The following POU3F3 variants were observed in gnomAD, a reference collection of about 807,000 sequenced individuals.
POU3F3 encodes POU domain, class 3, transcription factor 3.
POU3F3 carries 1 observed loss-of-function variant against 8.6 expected under a neutral mutation model. The observed-to-expected ratio is 0.12, with a 90% CI of 0.04 to 0.55. POU3F3 has a LOEUF of 0.55. Ranked by LOEUF, POU3F3 falls within the 20% of genes least tolerant of loss-of-function variation. The probability of loss-of-function intolerance (pLI) is 0.91; values close to 1 mark genes in which losing one functional copy is unlikely to be tolerated. For missense variants in POU3F3, 577 were observed against 690.7 expected, an observed-to-expected ratio of 0.84 and a Z score of 1.84; for synonymous variants, 418 against 327.4, an observed-to-expected ratio of 1.28 and a Z score of -2.99.
chr2:104,880,836 C>T, the POU3F3 span, among the ~76,000 whole-genome samples: 1 of 152,050 alleles, frequency 6.6e-6, no homozygotes, highest in African/African-American at 2.4e-5. Context: ...TTATCCGGGG[C>T]AGGGATGGGT....
At chr2:104,873,075 G>A in the POU3F3 span, among the ~76,000 whole-genome samples, 3 of 152,242 alleles carry the variant, frequency 2.0e-5, no homozygotes, top group African/African-American at 7.2e-5. Context: ...CGCCCACGCA[G>A]TACGCTTAGG....
chr2:104,886,152 G>A, the POU3F3 span, among the ~76,000 whole-genome samples: 1 of 152,078 alleles, frequency 6.6e-6, no homozygotes, highest in Non-Finnish European at 1.5e-5. Context: ...GACTCACCCT[G>A]AATTCTTTCT....
At chr2:104,870,475 A>ATGC in the POU3F3 span, among the ~76,000 whole-genome samples, 4 of 152,202 alleles carry the variant, frequency 2.6e-5, no homozygotes, top group Non-Finnish European at 4.4e-5. Flanking sequence ...TCAGAACCAG[A>ATGC]TGCTGCTGCT....
the POU3F3 span, among the ~76,000 whole-genome samples, chr2:104,897,068 C>T: frequency 2.5e-3 from 385 of 152,292 alleles, 2 homozygotes; most frequent in African/African-American, 9.0e-3. Context: ...TCCCAGCACA[C>T]CCGTGTCAGG....
At chr2:104,920,671 T>C in the POU3F3 span, among the ~76,000 whole-genome samples, 1 of 152,182 alleles carries the variant, frequency 6.6e-6, no homozygotes, top group African/African-American at 2.4e-5. Context: ...GGCTTCCACC[T>C]TGAAGTCAAT....
At chr2:104,863,976 G>C in the POU3F3 span, among the ~76,000 whole-genome samples, 3 of 152,212 alleles carry the variant, frequency 2.0e-5, no homozygotes, top group Non-Finnish European at 4.4e-5. Flanking sequence ...CGCGCCGCAC[G>C]GGGCGGTGGA....
chr2:104,918,952 A>G, the POU3F3 span, among the ~76,000 whole-genome samples: 351 of 150,960 alleles, frequency 2.3e-3, 2 homozygotes, highest in Non-Finnish European at 4.0e-3. Context: ...GCTCACCCCA[A>G]CCTCCGCTTC....
chr2:104,902,644 C>A, the POU3F3 span, among the ~76,000 whole-genome samples: 5 of 152,264 alleles, frequency 3.3e-5, no homozygotes, highest in East Asian at 9.6e-4. Context: ...TGACTGTGTG[C>A]ATCTCCCTCA....
chr2:104,872,213 C>T, the POU3F3 span: 25 of 456,302 alleles, frequency 5.5e-5, no homozygotes, highest in African/African-American at 4.4e-4. This position sits in a 1 kb window ranked among gnomAD's most constrained non-coding sequence, Gnocchi z 4.6. Context: ...CAGCCCTGCT[C>T]CTCCTGTCCG....
chr2:104,868,183 A>G, the POU3F3 span: 1 of 453,022 alleles, frequency 2.2e-6, no homozygotes, highest in Non-Finnish European at 4.4e-6. Context: ...GCTCCGGCGC[A>G]GCTCCTACAG....
chr2:104,896,438 G>A, the POU3F3 span, among the ~76,000 whole-genome samples: 1 of 152,200 alleles, frequency 6.6e-6, no homozygotes, highest in East Asian at 1.9e-4. Flanking sequence ...AACCCCAGAA[G>A]CTTGTGAGGG....
the POU3F3 span, among the ~76,000 whole-genome samples, chr2:104,925,476 C>T: frequency 2.6e-5 from 4 of 152,206 alleles, no homozygotes; most frequent in South Asian, 6.2e-4. Context: ...TAAGTTAAAC[C>T]TCAGATAGAA....
At chr2:104,913,357 GA>G in the POU3F3 span, among the ~76,000 whole-genome samples, 18 of 152,046 alleles carry the variant, frequency 1.2e-4, no homozygotes, top group African/African-American at 4.4e-4. Context: ...GGATCCTCTG[GA>G]CCCCGTTGGG....
At chr2:104,902,620 C>T in the POU3F3 span, among the ~76,000 whole-genome samples, 1 of 152,118 alleles carries the variant, frequency 6.6e-6, no homozygotes, top group Non-Finnish European at 1.5e-5. Flanking sequence ...AGCGGTCAGT[C>T]AAATCCCCAG....
At position 104,855,978 on chromosome 2, in the gene POU3F3, C is replaced by A. The variant is rs1353915608; in HGVS notation, c.468C>A (p.Asp156Glu). ...GPDVKGGAGR[D>E]DLHAGTALHH... is the part of the protein sequence containing the mutation. ...ACGTGAAGGGCGGCGCCGGGCGCGA[C>A]GACCTGCACGCGGGCACAGCGCTGC... Residue 156 changes from aspartate (D) to glutamate (E), a missense_variant, in exon 1 of 1, where the codon GAC becomes GAA. Transcript: ENST00000361360. 2 of 1,035,452 alleles carry A rather than the reference C, an allele frequency of 1.9e-6. No homozygotes were observed. Among genetic ancestry groups the A allele is most frequent in the South Asian group, 6.3e-5 (2 of 31,886 alleles). The allele number at this position is 1,035,452 out of a possible 1,614,324, so 64.1% of individuals were successfully genotyped here.
downstream of POU3F3, among the ~76,000 whole-genome samples, chr2:104,860,643 T>C (rs1676644115): frequency 6.6e-6 from 1 of 151,888 alleles, no homozygotes; most frequent in Non-Finnish European, 1.5e-5. Context: ...TGGCTCTTGA[T>C]CAGTTGTCCA....
chr2:104,927,746 C>CAA, the POU3F3 span, among the ~76,000 whole-genome samples: 223 of 79,426 alleles, frequency 2.8e-3, 8 homozygotes, highest in Admixed American at 0.011. Context: ...GACCTTGTCT[C>CAA]AAAAAAAAAA....
At chr2:104,894,588 G>T in the POU3F3 span, among the ~76,000 whole-genome samples, 2 of 152,200 alleles carry the variant, frequency 1.3e-5, no homozygotes, top group African/African-American at 4.8e-5. Context: ...CAACTGAGCG[G>T]TGTGGTCACC....
chr2:104,873,338 C>T, the POU3F3 span, among the ~76,000 whole-genome samples: 3 of 152,134 alleles, frequency 2.0e-5, no homozygotes, highest in African/African-American at 7.2e-5. Flanking sequence ...GGCTTCTCTC[C>T]GGGAGAGTGG....
Sources: allele counts gnomAD v4.1 joint callset (sites outside exome capture counted in the v4.1 genomes callset), GRCh38; gene constraint gnomAD v4.1.1; non-coding constraint Gnocchi (gnomAD v3.1); transcripts MANE v1.5; gene names NCBI Gene and HGNC (gene_info 2026-07-23, HGNC 2026-07-21).